Variants in TLE1 observed in about 807,000 individuals in gnomAD.
TLE1 encodes transducin-like enhancer protein 1.
A neutral mutation model predicts 89.8 loss-of-function variants in TLE1; 21 were observed. That is an observed-to-expected ratio of 0.23 (90% confidence interval 0.17 to 0.34). TLE1 has a LOEUF of 0.34. Among genes scored for constraint, TLE1 ranks in the 10% least tolerant of loss-of-function variants. The pLI is 1.00. For synonymous variants in TLE1, 447 were observed against 407.6 expected, an observed-to-expected ratio of 1.10 and a Z score of -1.16; for missense variants, 795 against 1,031.2, an observed-to-expected ratio of 0.77 and a Z score of 3.14.
At chr9:81,621,806 C>CAA (rs1411243692) in intron 8 of TLE1, among the ~76,000 whole-genome samples, 2 of 152,090 alleles carry the variant, frequency 1.3e-5, no homozygotes, top group Non-Finnish European at 2.9e-5. Flanking sequence ...AGGAGGAAAT[C>CAA]AAAACTGAGG....
intron 14 of TLE1, among the ~76,000 whole-genome samples, chr9:81,604,533 G>C (rs1169699987): frequency 6.6e-6 from 1 of 152,214 alleles, no homozygotes; most frequent in Non-Finnish European, 1.5e-5. Context: ...GTTCCAGGGA[G>C]ACAGATTCAG....
At chr9:81,675,936 T>G (rs1832852387) in intron 4 of TLE1, among the ~76,000 whole-genome samples, 1 of 152,050 alleles carries the variant, frequency 6.6e-6, no homozygotes, top group Admixed American at 6.6e-5. Flanking sequence ...CCTGACCTCG[T>G]GATCCGCCCG....
intron 1 of TLE1, 151 bp from the exon 2 acceptor site, chr9:81,687,585 T>TG (rs996540052): frequency 3.3e-6 from 2 of 604,800 alleles, no homozygotes; most frequent in Admixed American, 5.5e-5. Context: ...CCCTTCACTA[T>TG]GGGGAGGGGG....
At chr9:81,655,385 C>CT (rs1830038832) in intron 4 of TLE1, among the ~76,000 whole-genome samples, 2 of 152,022 alleles carry the variant, frequency 1.3e-5, no homozygotes, top group South Asian at 4.2e-4. Context: ...ATAAAGAAGG[C>CT]TGGAAAAACC....
At chr9:81,590,259 C>T (rs933833047) in intron 16 of TLE1, among the ~76,000 whole-genome samples, 2 of 152,230 alleles carry the variant, frequency 1.3e-5, no homozygotes, top group Non-Finnish European at 2.9e-5. Context: ...GGTGACAGGG[C>T]TGATGCCAGA....
chr9:81,684,253 A>G (rs1833982576), intron 4 of TLE1, among the ~76,000 whole-genome samples: 2 of 147,580 alleles, frequency 1.4e-5, no homozygotes, highest in African/African-American at 4.9e-5. Context: ...TTTACTATCA[A>G]GAAGTTACAA....
At chr9:81,624,547 A>G (rs1825682519) in intron 8 of TLE1, among the ~76,000 whole-genome samples, 2 of 152,226 alleles carry the variant, frequency 1.3e-5, no homozygotes, top group African/African-American at 4.8e-5. Flanking sequence ...TGCCAAATAA[A>G]TATTTAATCG....
intron 4 of TLE1, among the ~76,000 whole-genome samples, chr9:81,677,586 TA>T (rs1833063190): frequency 1.6e-5 from 2 of 121,978 alleles, no homozygotes; most frequent in South Asian, 6.0e-4. Flanking sequence ...AAAAAAAAAG[TA>T]AACAACTCAG....
intron 17 of TLE1, among the ~76,000 whole-genome samples, chr9:81,586,724 G>A (rs1252718500): frequency 6.6e-6 from 1 of 152,062 alleles, no homozygotes. Context: ...AATTCTCTGT[G>A]CTTTCATAAA....
At chr9:81,656,854 C>G (rs188692214) in intron 4 of TLE1, among the ~76,000 whole-genome samples, 27 of 152,326 alleles carry the variant, frequency 1.8e-4, no homozygotes, top group Admixed American at 1.8e-3. Flanking sequence ...CCACACAGAT[C>G]TCTAAAAGGA....
intron 4 of TLE1, among the ~76,000 whole-genome samples, chr9:81,680,924 A>G (rs1432116106): frequency 6.7e-6 from 1 of 149,874 alleles, no homozygotes; most frequent in Non-Finnish European, 1.5e-5. Flanking sequence ...AAAAACACAC[A>G]GGGTTAAAAA....
At chr9:81,588,339 C>T (rs1468093124) in intron 16 of TLE1, among the ~76,000 whole-genome samples, 1 of 152,128 alleles carries the variant, frequency 6.6e-6, no homozygotes, top group African/African-American at 2.4e-5. Flanking sequence ...CACAGCAATG[C>T]CCTACGTGCC....
At chr9:81,587,907 CGTGTGTGTGTGTGTGTGTGTGTGT>C in intron 16 of TLE1, 79 bp from the exon 17 acceptor site, 1 of 752,262 alleles carries the variant, frequency 1.3e-6, no homozygotes, top group Non-Finnish European at 2.0e-6. Flanking sequence ...AGTTTTGGAC[CGTGTGTGTGTGTGTGTGTGTGTGT>C]GTGTGTGTGT....
intron 15 of TLE1, among the ~76,000 whole-genome samples, chr9:81,591,714 C>T (rs1254038843): frequency 6.6e-6 from 1 of 152,108 alleles, no homozygotes; most frequent in African/African-American, 2.4e-5. Context: ...ATTAAAGAAA[C>T]TTTAAGCACA....
rs552777935 is a variant in TLE1, at chr9:81,593,205, G to C, written c.1401C>G (p.Ile467Met). 3 of 1,614,188 alleles carry C rather than the reference G, an allele frequency of 1.9e-6. No homozygotes were observed. The highest frequency in any genetic ancestry group is 2.2e-5 in the South Asian group (2 of 91,084). ...QPVPFPPDAL[I>M]GPGIPRHARQ... is the part of the protein sequence containing the mutation. ...GAGCATGCCGGGGGATTCCGGGTCC[G>C]ATGAGGGCGTCGGGGGGAAAAGGGA... The change falls in exon 15 of 20, where the codon ATC (isoleucine) becomes ATG (methionine). Residue 467 changes from isoleucine (I) to methionine (M), a missense_variant. Ile to Met is a conservative substitution (Grantham distance 10). Around this residue, in one of 4 missense-constraint regions of TLE1, gnomAD observed 468 missense variants for 509.1 expected, o/e 0.92. Transcript: ENST00000376499.
chr9:81,623,431 G>A (rs1240471483), intron 8 of TLE1, among the ~76,000 whole-genome samples: 1 of 152,038 alleles, frequency 6.6e-6, no homozygotes, highest in Non-Finnish European at 1.5e-5. Context: ...ACATTTATGA[G>A]GACACCATTT....
At chr9:81,673,331 T>A (rs1832482843) in intron 4 of TLE1, among the ~76,000 whole-genome samples, 1 of 151,280 alleles carries the variant, frequency 6.6e-6, no homozygotes, top group Admixed American at 6.6e-5. Flanking sequence ...TTTTCTCCTT[T>A]TAAGCCTAAA....
intron 1 of TLE1, 123 bp from the exon 2 acceptor site, chr9:81,687,557 GC>G: frequency 1.4e-6 from 1 of 706,606 alleles, no homozygotes; most frequent in Non-Finnish European, 2.4e-6. Flanking sequence ...TGAAAACGAG[GC>G]CCCAAACTCG....
chr9:81,652,164 T>C (rs994015198), intron 6 of TLE1, 50 bp downstream of exon 6: 3 of 1,534,240 alleles, frequency 2.0e-6, no homozygotes, highest in South Asian at 1.1e-5. Context: ...TAATAAGAAA[T>C]GAAAGCTGGT....
Sources: gnomAD v4.1 joint callset for allele counts (sites outside exome capture counted in the v4.1 genomes callset) on GRCh38, gnomAD v4.1.1 for gene constraint, gnomAD v4.1.1 regional missense constraint, MANE v1.5 for transcripts, NCBI Gene and HGNC (gene_info 2026-07-23, HGNC 2026-07-21) for gene names.